CNTNAP5: variants seen among roughly 807,000 people sequenced by gnomAD.
CNTNAP5 encodes the protein contactin associated protein family member 5, also known as contactin-associated protein-like 5.
In CNTNAP5, 72 loss-of-function variants were observed where a neutral mutation model predicts 150.2. The observed-to-expected ratio is 0.48, with a 90% CI of 0.40 to 0.58. The LOEUF is 0.58. Ranked by LOEUF, CNTNAP5 falls within the 20% of genes least tolerant of loss-of-function variation. CNTNAP5 has a pLI of 0.00. For synonymous variants in CNTNAP5, 672 were observed against 619.8 expected (o/e 1.08, Z -1.25); for missense variants, 1,636 against 1,626.2 (o/e 1.01, Z -0.10).
At chr2:124,877,927 G>A (rs1677892721) in intron 21 of CNTNAP5, among the ~76,000 whole-genome samples, 1 of 151,752 alleles carries the variant, frequency 6.6e-6, no homozygotes, top group Non-Finnish European at 1.5e-5. Context: ...TTTTTCCCCT[G>A]GTCATTACCC....
At position 124,614,087 on chromosome 2, in the gene CNTNAP5, G is replaced by T. The variant is rs1677445592; in HGVS notation, c.1876+4167G>T. ...AATTTTTTTAAGTGATTTACAATAA[G>T]GTTCAGCCAATATAATTTTACTCAA... On this transcript the variant is annotated intron_variant, in intron 12 of 23. Transcript: ENST00000682447. 2.0e-5 allele frequency among the ~76,000 whole-genome samples: 3 copies of T among 152,248 alleles called. No individual in the cohort carries two copies. The South Asian group carries it at 6.2e-4, about 32-fold the overall frequency.
intron 3 of CNTNAP5, among the ~76,000 whole-genome samples, chr2:124,262,269 C>A (rs1184629590): frequency 6.6e-6 from 1 of 151,936 alleles, no homozygotes; most frequent in Non-Finnish European, 1.5e-5. Context: ...GAATAACCCA[C>A]CCCATTCTAA....
chr2:124,199,577 A>AG (rs1470352355), intron 1 of CNTNAP5, among the ~76,000 whole-genome samples: 2 of 151,726 alleles, frequency 1.3e-5, no homozygotes, highest in Non-Finnish European at 2.9e-5. Context: ...CACCACACCC[A>AG]GCTAATTTTT....
At chr2:124,530,010 G>A (rs1283119586) in intron 10 of CNTNAP5, among the ~76,000 whole-genome samples, 1 of 152,106 alleles carries the variant, frequency 6.6e-6, no homozygotes. Flanking sequence ...TCAGATATAA[G>A]ACATCTAAAG....
chr2:124,792,805 T>A (rs1399834793), intron 18 of CNTNAP5, among the ~76,000 whole-genome samples: 12 of 152,338 alleles, frequency 7.9e-5, no homozygotes, highest in Non-Finnish European at 4.4e-5. Flanking sequence ...GTCTGATTTC[T>A]TTTACTTCGC....
At chr2:124,635,525 A>T (rs978715363) in intron 12 of CNTNAP5, among the ~76,000 whole-genome samples, 1 of 152,196 alleles carries the variant, frequency 6.6e-6, no homozygotes, top group South Asian at 2.1e-4. Flanking sequence ...CAGAGATGCA[A>T]TGAGAAGGTC....
chr2:124,823,128 A>G (rs1682525246), intron 19 of CNTNAP5, among the ~76,000 whole-genome samples: 1 of 152,196 alleles, frequency 6.6e-6, no homozygotes, highest in Non-Finnish European at 1.5e-5. Context: ...CACAACAGGT[A>G]TACTTTGTAG....
intron 17 of CNTNAP5, among the ~76,000 whole-genome samples, chr2:124,785,053 A>C (rs1323400655): frequency 3.3e-5 from 5 of 150,600 alleles, no homozygotes; most frequent in African/African-American, 1.2e-4. Context: ...AAAAAAAAAA[A>C]AAAACAAAAG....
chr2:124,917,401 T>C lies in CNTNAP5; in HGVS notation c.*3113T>C, dbSNP rs1678792717. Among the ~76,000 whole-genome samples the C allele has an allele frequency of 6.6e-6, 1 of 152,140 alleles. No individual in the cohort carries two copies. The highest frequency in any genetic ancestry group is 2.1e-4 in the South Asian group (1 of 4,834). Reference sequence around the variant, plus strand: ...AAATATATTTATCCTACTGCATCATTTATTGCATATATAGCCTCAATTGCC... The same window carrying C: ...AAATATATTTATCCTACTGCATCATCTATTGCATATATAGCCTCAATTGCC... On this transcript the variant is annotated 3_prime_UTR_variant, in exon 24 of 24. Transcript: ENST00000682447.
At chr2:124,759,513 T>C (rs1193326632) in intron 14 of CNTNAP5, among the ~76,000 whole-genome samples, 1 of 150,900 alleles carries the variant, frequency 6.6e-6, no homozygotes, top group African/African-American at 2.4e-5. Flanking sequence ...ATCTGTGGTA[T>C]TTTTAAAATC....
At chr2:124,223,548 G>A (rs946725346) in intron 2 of CNTNAP5, among the ~76,000 whole-genome samples, 1 of 151,886 alleles carries the variant, frequency 6.6e-6, no homozygotes, top group South Asian at 2.1e-4. Context: ...AATTTAACAC[G>A]GTTTCCAACA....
At chr2:124,674,458 T>TTCCCTCCCTC (rs1678888479) in intron 13 of CNTNAP5, among the ~76,000 whole-genome samples, 1 of 142,502 alleles carries the variant, frequency 7.0e-6, no homozygotes, top group African/African-American at 2.6e-5. Context: ...TTCCCTTCCT[T>TTCCCTCCCTC]CCTTTCCCTC....
intron 3 of CNTNAP5, among the ~76,000 whole-genome samples, chr2:124,392,430 A>G (rs986906619): frequency 6.6e-6 from 1 of 152,144 alleles, no homozygotes; most frequent in Admixed American, 6.5e-5. Flanking sequence ...TGAAATCTCT[A>G]AATACTCCGA....
chr2:124,524,396 C>G lies in CNTNAP5; in HGVS notation c.1421C>G (p.Pro474Arg), dbSNP rs528479875. Residue 474 changes from proline (P) to arginine (R), a missense_variant, in exon 9 of 24, where the codon CCG (proline) becomes CGG (arginine). Pro to Arg is a moderately radical substitution (Grantham distance 103). Transcript: ENST00000682447. ...TLTLDDEAAP[P>R]APDSTWVQIY... ...ACTCTGGATGATGAAGCAGCACCCCCGGCTCCAGACAGCACTTGGGTGCAG... is the reference window on the plus strand; with the variant it reads ...ACTCTGGATGATGAAGCAGCACCCCGGGCTCCAGACAGCACTTGGGTGCAG... 6.2e-7 allele frequency: 1 copy of G among 1,613,626 alleles called. No homozygotes were observed. The highest frequency in any genetic ancestry group is 8.5e-7 in the Non-Finnish European group (1 of 1,179,792).
chr2:124,640,994 C>T (rs1475837624), intron 12 of CNTNAP5, among the ~76,000 whole-genome samples: 1 of 151,822 alleles, frequency 6.6e-6, no homozygotes, highest in Non-Finnish European at 1.5e-5. Flanking sequence ...GGCGTGGTGG[C>T]GCATGACTGT....
intron 5 of CNTNAP5, among the ~76,000 whole-genome samples, chr2:124,439,193 G>A (rs1443710739): frequency 1.3e-5 from 2 of 152,044 alleles, no homozygotes; most frequent in African/African-American, 2.4e-5. Context: ...TATGGAGAGG[G>A]GAGAAAAACA....
intron 19 of CNTNAP5, among the ~76,000 whole-genome samples, chr2:124,864,205 C>T (rs1677580992): frequency 6.6e-6 from 1 of 152,090 alleles, no homozygotes; most frequent in South Asian, 2.1e-4. Context: ...GAATGTCTTT[C>T]AAACATTTTT....
chr2:124,644,567 A>T (rs2105024118), intron 12 of CNTNAP5, among the ~76,000 whole-genome samples: 1 of 152,328 alleles, frequency 6.6e-6, no homozygotes, highest in African/African-American at 2.4e-5. Context: ...ATGGATATGA[A>T]AATCTATGTT....
At position 124,920,706 on chromosome 2, in the gene CNTNAP5, A is replaced by G. The variant is rs1293535039; in HGVS notation, c.*6418A>G. 6.6e-6 allele frequency among the ~76,000 whole-genome samples: 1 copy of G among 152,262 alleles called. No homozygotes were observed. Among genetic ancestry groups the G allele is most frequent in the East Asian group, 1.9e-4 (1 of 5,170 alleles). On this transcript the variant is annotated 3_prime_UTR_variant, in exon 24 of 24. Transcript: ENST00000682447. Reference sequence around the variant, plus strand: ...AATGAATACCCATGGCCATGTTCCAATATAACTTTATTTACAAAATCTAAT... The same window carrying G: ...AATGAATACCCATGGCCATGTTCCAGTATAACTTTATTTACAAAATCTAAT...
Sources: gnomAD v4.1 joint callset for allele counts (sites outside exome capture counted in the v4.1 genomes callset) on GRCh38, gnomAD v4.1.1 for gene constraint, MANE v1.5 for transcripts, NCBI Gene and HGNC (gene_info 2026-07-23, HGNC 2026-07-21) for gene names.